The following MBD5 variants were observed in gnomAD, a reference collection of about 807,000 sequenced individuals.
The protein encoded by MBD5 is methyl-CpG binding domain protein 5, also known as methyl-CpG-binding domain protein 5.
Under a neutral mutation model 117.3 loss-of-function variants are expected in MBD5, and 13 were observed. The observed-to-expected ratio is 0.11, with a 90% CI of 0.07 to 0.18. The LOEUF (loss-of-function observed/expected upper bound fraction) is 0.18. Ranked by LOEUF, MBD5 falls within the 10% of genes least tolerant of loss-of-function variation. MBD5 has a pLI of 1.00. For synonymous variants in MBD5, 727 were observed against 766.4 expected (o/e 0.95, Z 0.85); for missense variants, 1,879 against 2,093.8 (o/e 0.90, Z 2.00).
chr2:148,196,562 G>T (rs1698994077), intron 2 of MBD5, among the ~76,000 whole-genome samples: 1 of 152,130 alleles, frequency 6.6e-6, no homozygotes, highest in African/African-American at 2.4e-5. Flanking sequence ...ATCTCCATTT[G>T]TGTCTATTTC....
intron 1 of MBD5, among the ~76,000 whole-genome samples, chr2:148,100,760 T>G (rs1373855932): frequency 2.0e-5 from 3 of 152,202 alleles, no homozygotes; most frequent in Non-Finnish European, 4.4e-5. Context: ...AGGTGGAAGC[T>G]TTATCCTTTG....
Position 148,468,888 on chromosome 2 carries a change from T to C in MBD5, c.945T>C (p.Cys315=). 6.2e-7 allele frequency: 1 copy of C among 1,613,942 alleles called. No individual in the cohort carries two copies. Among genetic ancestry groups the C allele is most frequent in the East Asian group, 2.2e-5 (1 of 44,858 alleles). ...TKSPVMKKPM[C]NFSTNMEIPR... ...GTCCAGTAATGAAAAAACCAATGTG[T>C]AATTTTTCAACTAATATGGAAATAC... Residue 315 remains cysteine (C), a synonymous_variant, in exon 8 of 14, where the codon TGT becomes TGC. Coordinates refer to ENST00000642680, the MANE Select transcript of MBD5 (RefSeq NM_001378120.1).
rs767034398 is a variant in MBD5, at chr2:148,502,487, C to T, written c.5014C>T (p.Arg1672Cys). The change falls in exon 12 of 14, where the codon CGT (arginine) becomes TGT (cysteine). Residue 1672 changes from arginine (R) to cysteine (C), a missense_variant. Around this residue, in one of 4 missense-constraint regions of MBD5, gnomAD observed 135 missense variants for 148.0 expected, o/e 0.91. Transcript: ENST00000642680. ...AACAGAAGGTTTGGAAGCCTACAGC[C>T]GTGTCCGGAAAAGGAACAGAAAGTA... Reference protein sequence around the residue: ...TLTEGLEAYSRVRKRNRKSGK... With the variant: ...TLTEGLEAYSCVRKRNRKSGK... 1.3e-5 allele frequency: 21 copies of T among 1,614,038 alleles called. No individual in the cohort carries two copies. Among genetic ancestry groups the T allele is most frequent in the Middle Eastern group, 1.6e-4 (1 of 6,080 alleles).
chr2:148,334,071 G>T (rs996903740), intron 3 of MBD5, among the ~76,000 whole-genome samples: 1 of 151,880 alleles, frequency 6.6e-6, no homozygotes, highest in African/African-American at 2.4e-5. Flanking sequence ...TTCCTCTAAA[G>T]AAAGTATCTA....
chr2:148,384,582 G>T (rs942443840), intron 4 of MBD5, among the ~76,000 whole-genome samples: 1 of 152,102 alleles, frequency 6.6e-6, no homozygotes, highest in Non-Finnish European at 1.5e-5. Context: ...AGCTACCAAT[G>T]ACTTTCTTCA....
intron 8 of MBD5, among the ~76,000 whole-genome samples, chr2:148,473,948 G>A (rs937775257): frequency 6.6e-6 from 1 of 152,050 alleles, no homozygotes; most frequent in African/African-American, 2.4e-5. Flanking sequence ...AACAGATTTA[G>A]AAACTGACCA....
chr2:148,311,154 T>A, intron 3 of MBD5, among the ~76,000 whole-genome samples: 1 of 152,216 alleles, frequency 6.6e-6, no homozygotes, highest in East Asian at 1.9e-4. Context: ...TGTACATGTC[T>A]ATTAGGTCGG....
rs1680672477 is a variant in MBD5, at chr2:148,468,608, C to G, written c.665C>G (p.Pro222Arg). The G allele has an allele frequency of 6.2e-7, 1 of 1,613,720 alleles. No individual in the cohort carries two copies. Among genetic ancestry groups the G allele is most frequent in the Non-Finnish European group, 8.5e-7 (1 of 1,179,890 alleles). ...TTCCGTGGCAGCCATGGAGGCCTGC[C>G]CAGCCCAGCGTCATCAGGTTCCCAG... ...SPFRGSHGGL[P>R]SPASSGSQIY... The change falls in exon 8 of 14, where the codon CCC becomes CGC. Residue 222 changes from proline (P) to arginine (R), a missense_variant. Transcript: ENST00000642680.
intron 2 of MBD5, among the ~76,000 whole-genome samples, chr2:148,201,270 T>A (rs1460548950): frequency 6.6e-6 from 1 of 151,928 alleles, no homozygotes; most frequent in Non-Finnish European, 1.5e-5. Flanking sequence ...GGCACAAGAG[T>A]GGGCTCCACA....
At chr2:148,068,553 G>T (rs577225720) in intron 1 of MBD5, 11 of 152,310 alleles carry the variant, frequency 7.2e-5, no homozygotes, top group African/African-American at 2.6e-4. Flanking sequence ...GAATCTAAGA[G>T]CTCTTGTCAC....
At chr2:148,412,336 G>T (rs186682841) in intron 4 of MBD5, among the ~76,000 whole-genome samples, 143 of 151,108 alleles carry the variant, frequency 9.5e-4, no homozygotes, top group African/African-American at 2.0e-3. Context: ...TATATATATA[G>T]AGAGAGAGAC....
intron 1 of MBD5, among the ~76,000 whole-genome samples, chr2:148,039,036 A>C (rs1055618317): frequency 2.0e-5 from 3 of 152,064 alleles, no homozygotes; most frequent in Non-Finnish European, 4.4e-5. Flanking sequence ...GCAAAGGAGA[A>C]AGATAGTGCA....
intron 1 of MBD5, among the ~76,000 whole-genome samples, chr2:148,081,108 C>T (rs773090908): frequency 2.0e-5 from 3 of 152,120 alleles, no homozygotes; most frequent in Admixed American, 6.5e-5. Context: ...AGAACCAGCT[C>T]ACAGCTCAGA....
intron 4 of MBD5, among the ~76,000 whole-genome samples, chr2:148,383,455 CAATAATT>C (rs1189747857): frequency 6.6e-6 from 1 of 152,074 alleles, no homozygotes; most frequent in Admixed American, 6.5e-5. Context: ...GAGATTGAGG[CAATAATT>C]AATACCTTAC....
At chr2:148,125,715 G>C (rs528417276) in intron 1 of MBD5, among the ~76,000 whole-genome samples, 3 of 152,290 alleles carry the variant, frequency 2.0e-5, no homozygotes, top group Admixed American at 2.0e-4. Flanking sequence ...TCACTGTGTA[G>C]TGCAAATGCC....
At position 148,149,472 on chromosome 2, in the gene MBD5, G is replaced by T. The variant is rs1697576583; in HGVS notation, c.-924-29228G>T. Among the ~76,000 whole-genome samples, 5 of 147,642 alleles carry T rather than the reference G, an allele frequency of 3.4e-5. No homozygotes were observed. In the Admixed American group the frequency reaches 3.4e-4, roughly 10 times the overall value. On this transcript the variant is annotated intron_variant, in intron 1 of 13. Transcript: ENST00000642680. The stretch of plus-strand genomic sequence containing the variant: ...ATATACCCAGTAATGGGATGGCTGG[G>T]TCAAATGGTATTTCTAGTTCTAGAT...
chr2:148,225,917 C>T (rs1433510991), intron 2 of MBD5, among the ~76,000 whole-genome samples: 2 of 152,002 alleles, frequency 1.3e-5, no homozygotes, highest in Admixed American at 6.6e-5. Flanking sequence ...TTATTAAATG[C>T]CTTAGGGTAG....
intron 1 of MBD5, among the ~76,000 whole-genome samples, chr2:148,045,974 CTTTTTTTTTT>C (rs59672002): frequency 3.9e-5 from 3 of 77,450 alleles, no homozygotes; most frequent in Non-Finnish European, 7.2e-5. Context: ...AATGAAGTGC[CTTTTTTTTTT>C]TTTTTTTTTT....
intron 4 of MBD5, chr2:148,447,583 T>G (rs1195195755): frequency 6.6e-6 from 1 of 152,162 alleles, no homozygotes; most frequent in Non-Finnish European, 1.5e-5. Flanking sequence ...GAAACCCACA[T>G]GCCTATAGAG....
Sources: allele counts gnomAD v4.1 joint callset (sites outside exome capture counted in the v4.1 genomes callset), GRCh38; gene constraint gnomAD v4.1.1; regional missense constraint gnomAD v4.1.1; transcripts MANE v1.5; gene names NCBI Gene and HGNC (gene_info 2026-07-23, HGNC 2026-07-21).